The following DIP2C variants were observed in gnomAD, a reference collection of about 807,000 sequenced individuals.
The protein encoded by DIP2C is DIP2 acetate--CoA ligase C (putative).
A neutral mutation model predicts 192.4 loss-of-function variants in DIP2C; 33 were observed. That is an observed-to-expected ratio of 0.17 (90% CI 0.13 to 0.23). The LOEUF is 0.23. Ranked by LOEUF, DIP2C falls within the 10% of genes least tolerant of loss-of-function variation. The pLI is 1.00. For synonymous variants in DIP2C, 979 were observed against 864.1 expected, an observed-to-expected ratio of 1.13 and a Z score of -2.33; for missense variants, 1,537 against 2,110.1, an observed-to-expected ratio of 0.73 and a Z score of 5.32.
At position 609,104 on chromosome 10, in the gene DIP2C, A is replaced by G. The variant is rs1017865485; in HGVS notation, c.85+80390T>C. On this transcript the variant is annotated intron_variant, in intron 1 of 36. Transcript: ENST00000280886. ...AAGGGTAAGACCACGTTTGGTTTTTATGACTCGCAGTTCTAAATTTAATAT... is the reference window on the plus strand; with the variant it reads ...AAGGGTAAGACCACGTTTGGTTTTTGTGACTCGCAGTTCTAAATTTAATAT... Among the ~76,000 whole-genome samples the G allele has an allele frequency of 2.0e-5, 3 of 152,168 alleles. 1 individual carries two copies. The South Asian group carries it at 6.2e-4, about 32-fold the overall frequency.
rs1564684896 is a variant in DIP2C, at chr10:417,705, GGCTCAA to G, written c.739+1354_739+1359del. Among the ~76,000 whole-genome samples, 118 of 61,914 alleles carry G rather than the reference GGCTCAA, an allele frequency of 1.9e-3. 2 individuals are homozygous for G. The highest frequency in any genetic ancestry group is 2.8e-3 in the Non-Finnish European group (83 of 29,348). 40.6% of individuals were successfully genotyped at this position (61,914 alleles called of 152,430 possible). A position where few individuals can be genotyped will look rare whatever the true frequency, so the allele number is the denominator to read the frequency against. On this transcript the variant is annotated intron_variant, in intron 6 of 36. Transcript: ENST00000280886. Reference sequence around the variant, plus strand: ...GCCTCCCTGTCCGCCTGTGCCTGTCGGCTCAAATAGGCCTCCCTGTCTGCCTGCGCC... The same window carrying G: ...GCCTCCCTGTCCGCCTGTGCCTGTCGATAGGCCTCCCTGTCTGCCTGCGCC...
At chr10:589,475 G>A (rs750994954) in intron 1 of DIP2C, among the ~76,000 whole-genome samples, 1 of 152,000 alleles carries the variant, frequency 6.6e-6, no homozygotes, top group Admixed American at 6.6e-5. Flanking sequence ...TTACATTCAG[G>A]GTTATGGTCC....
intron 1 of DIP2C, among the ~76,000 whole-genome samples, chr10:549,690 G>T (rs1848489708): frequency 6.6e-6 from 1 of 152,166 alleles, no homozygotes; most frequent in Admixed American, 6.5e-5. Flanking sequence ...GGAGGCAGCG[G>T]GACAAGCCAT....
intron 1 of DIP2C, among the ~76,000 whole-genome samples, chr10:491,515 C>T (rs1844447338): frequency 6.6e-6 from 1 of 152,192 alleles, no homozygotes; most frequent in Non-Finnish European, 1.5e-5. Context: ...GTGACAGCTC[C>T]TGTGTGTACC....
chr10:374,078 A>T (rs1052451334), intron 17 of DIP2C, among the ~76,000 whole-genome samples: 6 of 152,124 alleles, frequency 3.9e-5, no homozygotes, highest in Non-Finnish European at 8.8e-5. Flanking sequence ...TTCACTAAAC[A>T]TATCTGCAGA....
intron 5 of DIP2C, among the ~76,000 whole-genome samples, chr10:420,293 G>A (rs558033659): frequency 1.2e-4 from 19 of 152,356 alleles, no homozygotes; most frequent in East Asian, 7.7e-4. Flanking sequence ...TCTGAGAATC[G>A]GGCCGGGTGG....
intron 10 of DIP2C, among the ~76,000 whole-genome samples, chr10:398,660 T>C (rs1021983186): frequency 3.3e-5 from 5 of 152,330 alleles, no homozygotes; most frequent in African/African-American, 9.6e-5. Context: ...TTTCTTTACA[T>C]TGGATTAAAC....
At chr10:500,711 G>T (rs1368227115) in intron 1 of DIP2C, among the ~76,000 whole-genome samples, 3 of 152,122 alleles carry the variant, frequency 2.0e-5, no homozygotes, top group Non-Finnish European at 4.4e-5. Flanking sequence ...GGAAATACAG[G>T]GATGCTTAAT....
rs186831165 is a variant in DIP2C at position 463,726 on chromosome 10, C to T, written c.268+8713G>A. The stretch of plus-strand genomic sequence containing the variant: ...AAAGAACAAAGCTGGAGGCATCACA[C>T]TACCTGACTTCAAACTATAGACAAG... On this transcript the variant is annotated intron_variant, in intron 3 of 36. Coordinates refer to ENST00000280886, the MANE Select transcript of DIP2C (RefSeq NM_014974.3). Among the ~76,000 whole-genome samples, 935 of 152,266 alleles carry T rather than the reference C, an allele frequency of 6.1e-3. 5 individuals carry two copies. The highest frequency in any genetic ancestry group is 0.01 in the Middle Eastern group (3 of 294).
chr10:558,455 C>T (rs1354945991), intron 1 of DIP2C, among the ~76,000 whole-genome samples: 6 of 152,176 alleles, frequency 3.9e-5, no homozygotes, highest in African/African-American at 1.2e-4. Context: ...GTTGTATCAC[C>T]ACGAGCTGGG....
At chr10:426,577 A>G (rs1966610387) in intron 4 of DIP2C, among the ~76,000 whole-genome samples, 3 of 152,252 alleles carry the variant, frequency 2.0e-5, no homozygotes. Flanking sequence ...ACAAAGTTGG[A>G]GGACTTCACT....
At chr10:454,905 C>T (rs1969163073) in intron 3 of DIP2C, among the ~76,000 whole-genome samples, 1 of 152,110 alleles carries the variant, frequency 6.6e-6, no homozygotes, top group South Asian at 2.1e-4. Flanking sequence ...TATGTATATC[C>T]ACAGCTTTAA....
chr10:377,755 AT>A lies in DIP2C; in HGVS notation c.1991+4891del, dbSNP rs1172133567. Among the ~76,000 whole-genome samples, 20 of 151,804 alleles carry A rather than the reference AT, an allele frequency of 1.3e-4. No homozygotes were observed. The East Asian group carries it at 3.3e-3, about 25-fold the overall frequency. ...TCTCCCTGCGGACACGTCTTCTTTG[AT>A]TTTTCTCCCAGCTAACTTCGAGCTT... On this transcript the variant is annotated intron_variant, in intron 17 of 36. Transcript: ENST00000280886.
intron 4 of DIP2C, among the ~76,000 whole-genome samples, chr10:436,061 A>AT (rs1272655564): frequency 6.6e-6 from 1 of 152,158 alleles, no homozygotes; most frequent in Admixed American, 6.5e-5. Flanking sequence ...CAAAGAAAAT[A>AT]TTTTCTATTT....
intron 29 of DIP2C, among the ~76,000 whole-genome samples, chr10:337,145 TGTTGTGGAGGC>T: frequency 8.2e-6 from 1 of 122,108 alleles, no homozygotes; most frequent in East Asian, 2.7e-4. Context: ...TGTGTGTGTG[TGTTGTGGAGGC>T]CTAGGCTGAT....
intron 1 of DIP2C, among the ~76,000 whole-genome samples, chr10:594,160 G>A (rs899871209): frequency 6.6e-6 from 1 of 152,230 alleles, no homozygotes; most frequent in Non-Finnish European, 1.5e-5. Flanking sequence ...CAGACTGGGA[G>A]AGAACGGCCA....
chr10:574,109 G>A (rs752931033), intron 1 of DIP2C, among the ~76,000 whole-genome samples: 33 of 152,210 alleles, frequency 2.2e-4, no homozygotes, highest in Non-Finnish European at 3.4e-4. Context: ...TTTTTGCCAC[G>A]TTCTGATGCA....
chr10:579,390 T>C (rs1232450588), intron 1 of DIP2C, among the ~76,000 whole-genome samples: 1 of 151,368 alleles, frequency 6.6e-6, no homozygotes, highest in Non-Finnish European at 1.5e-5. Flanking sequence ...GTGTGTACAG[T>C]GTACACACAT....
At chr10:347,999 G>C (rs1184947954) in intron 26 of DIP2C, among the ~76,000 whole-genome samples, 1 of 132,548 alleles carries the variant, frequency 7.5e-6, no homozygotes. Context: ...GTCGCGCATA[G>C]CTCTCCCGGA....
Sources: gnomAD v4.1 joint callset for allele counts (sites outside exome capture counted in the v4.1 genomes callset) on GRCh38, gnomAD v4.1.1 for gene constraint, MANE v1.5 for transcripts, NCBI Gene and HGNC (gene_info 2026-07-23, HGNC 2026-07-21) for gene names.